INSRR: variants seen among roughly 807,000 people sequenced by gnomAD.
INSRR encodes insulin receptor-related protein.
INSRR carries 114 observed loss-of-function variants against 130.0 expected under a neutral mutation model. That is an observed-to-expected ratio of 0.88 (90% CI 0.75 to 1.02). The LOEUF is 1.02. Ranked by LOEUF, INSRR falls within the 50% of genes least tolerant of loss-of-function variation. The pLI is 0.00. For synonymous variants in INSRR, 674 were observed against 705.2 expected (o/e 0.96, Z 0.70); for missense variants, 1,657 against 1,735.2 (o/e 0.95, Z 0.80).
intron 19 of INSRR, 36 bp from the exon 20 acceptor site, chr1:156,841,830 G>A (rs770935143): frequency 1.9e-6 from 3 of 1,614,050 alleles, no homozygotes; most frequent in Non-Finnish European, 1.7e-6. Context: ...GAGGTGTGGG[G>A]CATAAGAGCC....
Position 156,841,747 on chromosome 1 carries a change from C to G in INSRR, c.3445G>C (p.Gly1149Arg). The G allele has an allele frequency of 1.2e-6, 2 of 1,614,160 alleles. No homozygotes were observed. Among genetic ancestry groups the G allele is most frequent in the Non-Finnish European group, 1.7e-6 (2 of 1,180,016 alleles). ...DVYETDYYRKGGKGLLPVRWM... is the reference protein window; with the variant it reads ...DVYETDYYRKRGKGLLPVRWM... ...CGCACGGGCAGCAGCCCCTTCCCAC[C>G]CTTGCGGTAATAGTCTGTCTCATAC... The change falls in exon 20 of 22, where the codon GGT becomes CGT. Residue 1149 changes from glycine (G) to arginine (R), a missense_variant. By Grantham distance (125) the Gly-to-Arg change is moderately radical. Coordinates refer to ENST00000368195, the MANE Select transcript of INSRR (RefSeq NM_014215.3).
chr1:156,848,864 G>A lies in INSRR; in HGVS notation c.1571+57C>T, dbSNP rs1033914387. The A allele has an allele frequency of 2.2e-4, 336 of 1,530,022 alleles. No homozygotes were observed. The African/African-American group carries it at 4.1e-3, about 19-fold the overall frequency. The allele number at this position is 1,530,022 out of a possible 1,614,324, so 94.8% of individuals were successfully genotyped here. A position where few individuals can be genotyped will look rare whatever the true frequency, so the allele number is the denominator to read the frequency against. ...TCCGCCCTCACCTGCCTGTGGTCCCGAAGAAATTGGCCTCGTCCGGTCCCG... is the reference window on the plus strand; with the variant it reads ...TCCGCCCTCACCTGCCTGTGGTCCCAAAGAAATTGGCCTCGTCCGGTCCCG... On this transcript the variant is annotated intron_variant, in intron 7 of 21. Transcript: ENST00000368195.
At chr1:156,849,884 G>A (rs1219117822) in intron 5 of INSRR, among the ~76,000 whole-genome samples, 1 of 151,892 alleles carries the variant, frequency 6.6e-6, no homozygotes, top group Non-Finnish European at 1.5e-5. Flanking sequence ...AGAAGCCACA[G>A]AGAGCCACTA....
intron 15 of INSRR, 33 bp from the exon 16 acceptor site, chr1:156,843,512 G>A: frequency 6.2e-7 from 1 of 1,607,892 alleles, no homozygotes; most frequent in South Asian, 1.1e-5. Context: ...CAGGCTGGAA[G>A]GGTTCTCAGG....
chr1:156,844,494 G>T lies in INSRR; in HGVS notation c.2705C>A (p.Thr902Lys), dbSNP rs374549328. Residue 902 changes from threonine (T) to lysine (K), a missense_variant, in exon 14 of 22, where the codon ACA becomes AAA. Thr to Lys is a moderately conservative substitution (Grantham distance 78, BLOSUM62 -1). Transcript: ENST00000368195. Reference protein sequence around the residue: ...ATSLAGNGSWTDSVAFYILGP... With the variant: ...ATSLAGNGSWKDSVAFYILGP... ...AAGGATGTAGAAGGCAACACTGTCTGTCCAAGAGCCATTGCCAGCCAGTGA... is the reference window on the plus strand; with the variant it reads ...AAGGATGTAGAAGGCAACACTGTCTTTCCAAGAGCCATTGCCAGCCAGTGA... 8.7e-5 allele frequency: 141 copies of T among 1,614,134 alleles called. 1 individual carries two copies. In the South Asian group the frequency reaches 9.4e-4, roughly 11 times the overall value.
At position 156,840,759 on chromosome 1, in the gene INSRR, C is replaced by A; in HGVS notation, c.*114G>T. The A allele has an allele frequency of 2.5e-6, 2 of 803,760 alleles. No homozygotes were observed. Among genetic ancestry groups the A allele is most frequent in the Non-Finnish European group, 4.1e-6 (2 of 483,710 alleles). The allele number at this position is 803,760 out of a possible 1,614,324, so 49.8% of individuals were successfully genotyped here. On this transcript the variant is annotated 3_prime_UTR_variant, in exon 22 of 22. Coordinates refer to ENST00000368195, the MANE Select transcript of INSRR (RefSeq NM_014215.3). The stretch of plus-strand genomic sequence containing the variant: ...CTGCTCCTGTTCTCTGCCCCACCCT[C>A]GGCCATCCCTTGCCCTGAGTTGGGG...
rs554910069 is a variant in INSRR, at chr1:156,840,962, G to C, written c.3805C>G (p.Arg1269Gly). Residue 1269 changes from arginine to glycine, a missense_variant, in exon 22 of 22, where the codon CGG becomes GGG. Physicochemically the swap from Arg to Gly is moderately radical, Grantham distance 125 (BLOSUM62 -2). Coordinates refer to ENST00000368195, the MANE Select transcript of INSRR (RefSeq NM_014215.3). ...FYYSPECRGA[R>G]GSLPTTDAEP... ...GCATCGGTGGTAGGCAGGGAGCCCCGGGCCCCCCGGCATTCCGGGCTGTAG... is the reference window on the plus strand; with the variant it reads ...GCATCGGTGGTAGGCAGGGAGCCCCCGGCCCCCCGGCATTCCGGGCTGTAG... 1.3e-5 allele frequency: 21 copies of C among 1,613,752 alleles called. No homozygotes were observed. The highest frequency in any genetic ancestry group is 1.6e-5 in the Non-Finnish European group (19 of 1,179,928).
Position 156,841,045 on chromosome 1 carries a change from T to C in INSRR, c.3722A>G (p.His1241Arg). 3.8e-6 allele frequency: 6 copies of C among 1,596,208 alleles called. No homozygotes were observed. Among genetic ancestry groups the C allele is most frequent in the Non-Finnish European group, 5.1e-6 (6 of 1,170,954 alleles). The change falls in exon 22 of 22, where the codon CAC (histidine) becomes CGC (arginine). Residue 1241 changes from histidine to arginine, a missense_variant. Coordinates refer to ENST00000368195, the MANE Select transcript of INSRR (RefSeq NM_014215.3). ...CTCCTCCTGTATGCTGTCCAGAATG[T>C]GTGTGAAAGATGGGCGCAGGCGTGG... is the stretch of plus-strand genomic sequence containing the variant. ...PNPRLRPSFT[H>R]ILDSIQEELR...
intron 9 of INSRR, 46 bp downstream of exon 9, chr1:156,845,906 C>T: frequency 1.2e-6 from 2 of 1,600,584 alleles, no homozygotes; most frequent in Non-Finnish European, 1.7e-6. Flanking sequence ...TCCATCTCCC[C>T]TTCCCCACCC....
Position 156,852,115 on chromosome 1 carries a change from G to A in INSRR, c.714C>T (p.Ser238=). 6.2e-7 allele frequency: 1 copy of A among 1,613,648 alleles called. No individual in the cohort carries two copies. Among genetic ancestry groups the A allele is most frequent in the Non-Finnish European group, 8.5e-7 (1 of 1,179,952 alleles). ...CCHTECLGGC[S]QPEDPRACVA... ...CACAGGCACGAGGGTCTTCTGGCTG[G>A]CTGCAGCCCCCCAGGCATTCGGTGT... The change falls in exon 3 of 22, where the codon AGC becomes AGT. Residue 238 remains serine (S), a synonymous_variant. Transcript: ENST00000368195.
chr1:156,853,511 C>T (rs144854565), intron 2 of INSRR, among the ~76,000 whole-genome samples: 5 of 152,340 alleles, frequency 3.3e-5, no homozygotes, highest in African/African-American at 9.6e-5. Flanking sequence ...CCCATGCCCA[C>T]CTTGAACCTG....
In INSRR at chr1:156,841,507, C is replaced by T. The variant is rs770274884; in HGVS notation, c.3549G>A (p.Trp1183Ter). ...GTTGTTCTGCCAGGGTCACAATCTC[C>T]CAGAGTACCACGCCAAAGGACCTGG... ...SDVWSFGVVL[W>*]EIVTLAEQPY... Residue 1183 changes from tryptophan (W) to a stop codon, truncating the protein, a stop_gained, in exon 21 of 22, where the codon TGG becomes TGA. Coordinates refer to ENST00000368195, the MANE Select transcript of INSRR (RefSeq NM_014215.3). LOFTEE classifies it high-confidence loss of function. The T allele has an allele frequency of 6.2e-7, 1 of 1,614,018 alleles. No individual in the cohort carries two copies. The highest frequency in any genetic ancestry group is 8.5e-7 in the Non-Finnish European group (1 of 1,179,972).
Position 156,851,496 on chromosome 1 carries a change from G to A in INSRR, c.1085-62C>T, listed in dbSNP as rs748487205. The A allele has an allele frequency of 3.3e-5, 53 of 1,607,164 alleles. No homozygotes were observed. In the Admixed American group the frequency reaches 8.5e-4, roughly 26 times the overall value. On this transcript the variant is annotated intron_variant, in intron 4 of 21. Coordinates refer to ENST00000368195, the MANE Select transcript of INSRR (RefSeq NM_014215.3). The stretch of plus-strand genomic sequence containing the variant: ...GAAGGTGATGGGTCTGTGGGGCAAG[G>A]GGGCTGAATGGGGGCCCCGGGAAGG...
rs758679726 is a variant in INSRR, at chr1:156,846,655, T to C, written c.1674A>G (p.Pro558=). The C allele has an allele frequency of 6.2e-7, 1 of 1,614,166 alleles. No individual in the cohort carries two copies. The highest frequency in any genetic ancestry group is 8.5e-7 in the Non-Finnish European group (1 of 1,180,026). ...VELPLSRTQE[P]GVTLASLKPW... is the part of the protein sequence containing the mutation. ...GCTTGAGGGAGGCTAGGGTCACCCC[T>C]GGCTCCTGGGTGCGGCTTAGGGGCA... Residue 558 remains proline, a synonymous_variant, in exon 8 of 22, where the codon CCA becomes CCG. Coordinates refer to ENST00000368195, the MANE Select transcript of INSRR (RefSeq NM_014215.3).
Position 156,846,663 on chromosome 1 carries a change from G to C in INSRR, c.1666C>G (p.Gln556Glu), listed in dbSNP as rs1655023346. ...LDVELPLSRT[Q>E]EPGVTLASLK... is the part of the protein sequence containing the mutation. ...GAGGCTAGGGTCACCCCTGGCTCCT[G>C]GGTGCGGCTTAGGGGCAGCTCCACA... Residue 556 changes from glutamine (Q) to glutamate (E), a missense_variant, in exon 8 of 22, where the codon CAG (glutamine) becomes GAG (glutamate). Coordinates refer to ENST00000368195, the MANE Select transcript of INSRR (RefSeq NM_014215.3). 1 of 1,614,090 alleles carries C rather than the reference G, an allele frequency of 6.2e-7. No homozygotes were observed. The highest frequency in any genetic ancestry group is 1.3e-5 in the African/African-American group (1 of 74,940).
Position 156,844,238 on chromosome 1 carries a change from G to T in INSRR, c.2780C>A (p.Thr927Asn). 6.2e-7 allele frequency: 1 copy of T among 1,613,918 alleles called. No homozygotes were observed. The highest frequency in any genetic ancestry group is 8.5e-7 in the Non-Finnish European group (1 of 1,179,938). Residue 927 changes from threonine to asparagine, a missense_variant, in exon 15 of 22, where the codon ACC becomes AAC. Thr to Asn is a moderately conservative substitution (Grantham distance 65, BLOSUM62 0). Transcript: ENST00000368195. ...AGGLHVLLTATPVGLTLLIVL... is the reference protein window; with the variant it reads ...AGGLHVLLTANPVGLTLLIVL... Reference sequence around the variant, plus strand: ...GATGAGCAGCGTGAGCCCCACAGGGGTGGCAGTGAGGAGGACATGCAGCCC... The same window carrying T: ...GATGAGCAGCGTGAGCCCCACAGGGTTGGCAGTGAGGAGGACATGCAGCCC...
rs1124483 is a variant in INSRR at position 156,856,864 on chromosome 1, C to T, written c.85+1673G>A. 5.8e-3 allele frequency among the ~76,000 whole-genome samples: 882 copies of T among 152,266 alleles called. 9 individuals carry two copies. Among genetic ancestry groups the T allele is most frequent in the African/African-American group, 0.021 (853 of 41,544 alleles). On this transcript the variant is annotated intron_variant, in intron 1 of 21. Coordinates refer to ENST00000368195, the MANE Select transcript of INSRR (RefSeq NM_014215.3). ...CCCAAGCCCCACTTCCCTTTCTCTC[C>T]CTGGACTCTCTTGCTCCCAAGAGGA...
chr1:156,844,357 C>G, intron 14 of INSRR, 77 bp from the exon 15 acceptor site: 1 of 1,553,544 alleles, frequency 6.4e-7, no homozygotes, highest in East Asian at 2.3e-5. Flanking sequence ...TCTTTCCATG[C>G]TGGGAGGTGA....
chr1:156,858,737 A>G lies in INSRR; in HGVS notation c.-116T>C, dbSNP rs1655501347. On this transcript the variant is annotated 5_prime_UTR_variant, in exon 1 of 22. Coordinates refer to ENST00000368195, the MANE Select transcript of INSRR (RefSeq NM_014215.3). ...AGGGTTCAGATAGGAGAGGGAGGGC[A>G]GGGGCAGAGAGACAAGGAATCCCAC... 3 of 800,998 alleles carry G rather than the reference A, an allele frequency of 3.7e-6. No individual in the cohort carries two copies. The highest frequency in any genetic ancestry group is 3.4e-5 in the African/African-American group (2 of 59,070). 49.6% of individuals were successfully genotyped at this position (800,998 alleles called of 1,614,324 possible).
Sources: allele counts gnomAD v4.1 joint callset (sites outside exome capture counted in the v4.1 genomes callset), GRCh38; gene constraint gnomAD v4.1.1; transcripts MANE v1.5; gene names NCBI Gene and HGNC (gene_info 2026-07-23, HGNC 2026-07-21).